Variants in INTS2 observed in about 807,000 individuals in gnomAD.
INTS2 encodes KIAA1287.
In INTS2, 57 loss-of-function variants were observed where a neutral mutation model predicts 139.6. That is an observed-to-expected ratio of 0.41 (90% confidence interval 0.33 to 0.51). INTS2 has a LOEUF of 0.51. Ranked by LOEUF, INTS2 falls within the 20% of genes least tolerant of loss-of-function variation. The probability of loss-of-function intolerance (pLI) is 0.28; values close to 1 mark genes in which losing one functional copy is unlikely to be tolerated. For missense variants in INTS2, 1,196 were observed against 1,436.7 expected, an observed-to-expected ratio of 0.83 and a Z score of 2.71; for synonymous variants, 473 against 493.4, an observed-to-expected ratio of 0.96 and a Z score of 0.55.
At chr17:61,884,173 C>T (rs2079203465) in intron 16 of INTS2, among the ~76,000 whole-genome samples, 1 of 151,890 alleles carries the variant, frequency 6.6e-6, no homozygotes, top group Non-Finnish European at 1.5e-5. Flanking sequence ...GTTCAAGACT[C>T]CAAGAAAAAA....
intron 2 of INTS2, among the ~76,000 whole-genome samples, chr17:61,925,469 C>T (rs1160144781): frequency 2.0e-5 from 3 of 151,426 alleles, no homozygotes; most frequent in Non-Finnish European, 4.4e-5. Context: ...CCCATCTACT[C>T]GGGAGACTGA....
At chr17:61,918,818 G>C (rs572989571) in intron 5 of INTS2, among the ~76,000 whole-genome samples, 240 of 151,790 alleles carry the variant, frequency 1.6e-3, no homozygotes, top group African/African-American at 5.6e-3. Flanking sequence ...CTGATTCCTA[G>C]CATTTCTCAT....
chr17:61,898,172 G>A (rs1828125418), intron 9 of INTS2, among the ~76,000 whole-genome samples: 1 of 152,000 alleles, frequency 6.6e-6, no homozygotes, highest in South Asian at 2.1e-4. Context: ...CCATCTTCTG[G>A]AAAAATGAAA....
chr17:61,884,548 TA>T (rs35368442), intron 16 of INTS2, among the ~76,000 whole-genome samples: 178 of 151,348 alleles, frequency 1.2e-3, no homozygotes, highest in African/African-American at 3.3e-3. Context: ...TATTCAGAGT[TA>T]AAAAAATTTT....
At position 61,867,358 on chromosome 17, in the gene INTS2, T is replaced by A; in HGVS notation, c.*199A>T. 2.6e-6 allele frequency: 1 copy of A among 377,578 alleles called. No individual in the cohort carries two copies. The highest frequency in any genetic ancestry group is 4.7e-6 in the Non-Finnish European group (1 of 212,636). The allele number at this position is 377,578 out of a possible 1,614,324, so 23.4% of individuals were successfully genotyped here. On this transcript the variant is annotated 3_prime_UTR_variant, in exon 25 of 25. Transcript: ENST00000251334. The surrounding 1 kb of genome is among the most constrained non-coding windows in gnomAD (Gnocchi z 5.6). ...CTACAATAGAAACATATCAGCAAAG[T>A]AGATCCAAAGATGTGCCAATCAGAA...
At chr17:61,885,236 A>G (rs753653392) in intron 15 of INTS2, 1 of 522,680 alleles carries the variant, frequency 1.9e-6, no homozygotes, top group Non-Finnish European at 3.4e-6. Flanking sequence ...AAAACTAGAC[A>G]GAAGAAAATT....
chr17:61,919,945 T>C (rs949052019), intron 4 of INTS2, among the ~76,000 whole-genome samples: 1 of 152,130 alleles, frequency 6.6e-6, no homozygotes, highest in African/African-American at 2.4e-5. Flanking sequence ...TTCACAAATG[T>C]CATCTAAAAT....
chr17:61,890,012 A>G, intron 14 of INTS2, 118 bp from the exon 15 acceptor site: 2 of 645,860 alleles, frequency 3.1e-6, no homozygotes, highest in South Asian at 3.4e-5. Context: ...AACTCAGGTA[A>G]AACAGGAGAA....
rs796657300 is a variant in INTS2 at position 61,909,815 on chromosome 17, ATGTGTGTATGTG to A, written c.954+1693_954+1704del. 4.1e-3 allele frequency among the ~76,000 whole-genome samples: 294 copies of A among 72,552 alleles called. 2 individuals are homozygous for A. Among genetic ancestry groups the A allele is most frequent in the African/African-American group, 0.014 (282 of 20,658 alleles). The allele number at this position is 72,552 out of a possible 152,430, so 47.6% of individuals were successfully genotyped here. ...TATACATATATACGTGTGTGTGTAC[ATGTGTGTATGTG>A]TGTGTGTGTGTGTGTGTGTGTGTGT... is the stretch of plus-strand genomic sequence containing the variant. On this transcript the variant is annotated intron_variant, in intron 7 of 24. Transcript: ENST00000251334. The surrounding 1 kb of genome is among the most constrained non-coding windows in gnomAD (Gnocchi z 4.9).
chr17:61,873,221 G>T lies in INTS2; in HGVS notation c.2583-761C>A, dbSNP rs997809163. 2.6e-5 allele frequency among the ~76,000 whole-genome samples: 4 copies of T among 152,004 alleles called. No homozygotes were observed. Among genetic ancestry groups the T allele is most frequent in the Non-Finnish European group, 5.9e-5 (4 of 67,996 alleles). Reference sequence around the variant, plus strand: ...GCTCTATAAAATGGAATACCATATAGCCAATTAAGATAAGAATATAAACTA... The same window carrying T: ...GCTCTATAAAATGGAATACCATATATCCAATTAAGATAAGAATATAAACTA... On this transcript the variant is annotated intron_variant, in intron 19 of 24. Transcript: ENST00000251334. This position sits in a 1 kb window ranked among gnomAD's most constrained non-coding sequence, Gnocchi z 4.0.
At chr17:61,881,241 T>C in intron 16 of INTS2, 70 bp from the exon 17 acceptor site, 1 of 1,204,794 alleles carries the variant, frequency 8.3e-7, no homozygotes, top group Non-Finnish European at 1.2e-6. Flanking sequence ...ACCCCTCTCA[T>C]TTTTATCAAG....
intron 11 of INTS2, among the ~76,000 whole-genome samples, chr17:61,896,960 G>A (rs2079355869): frequency 6.6e-6 from 1 of 152,008 alleles, no homozygotes; most frequent in African/African-American, 2.4e-5. Flanking sequence ...GATACATGTG[G>A]GTGCCTATGT....
chr17:61,916,404 G>C (rs1470987154), intron 5 of INTS2, among the ~76,000 whole-genome samples: 1 of 152,166 alleles, frequency 6.6e-6, no homozygotes, highest in Non-Finnish European at 1.5e-5. Context: ...CTGGACTCCA[G>C]TCTGGGTAAC....
chr17:61,907,311 T>A (rs533721363), intron 8 of INTS2, 97 bp downstream of exon 8: 59 of 1,039,208 alleles, frequency 5.7e-5, no homozygotes, highest in Non-Finnish European at 7.5e-5. Flanking sequence ...AACAGAAAAC[T>A]TTAATCCTCT....
chr17:61,899,736 T>G (rs1246976299), intron 9 of INTS2, among the ~76,000 whole-genome samples: 1 of 151,618 alleles, frequency 6.6e-6, no homozygotes, highest in African/African-American at 2.4e-5. Context: ...CAAAGTGAGA[T>G]CCCATCTCTA....
intron 8 of INTS2, 149 bp downstream of exon 8, chr17:61,907,258 TA>T: frequency 1.6e-6 from 1 of 633,974 alleles, no homozygotes; most frequent in Non-Finnish European, 2.8e-6. Flanking sequence ...TTCTTGGCCT[TA>T]GGATTTCATT....
At chr17:61,918,787 G>A (rs1289507269) in intron 5 of INTS2, among the ~76,000 whole-genome samples, 1 of 152,114 alleles carries the variant, frequency 6.6e-6, no homozygotes, top group African/African-American at 2.4e-5. Context: ...ACTGACAGCA[G>A]TAGGGCTAAA....
At chr17:61,916,105 G>A (rs2079580098) in intron 5 of INTS2, among the ~76,000 whole-genome samples, 1 of 152,052 alleles carries the variant, frequency 6.6e-6, no homozygotes, top group South Asian at 2.1e-4. Flanking sequence ...ATACTACATG[G>A]CTACAGTAAC....
intron 15 of INTS2, among the ~76,000 whole-genome samples, chr17:61,889,100 T>A (rs1321075915): frequency 6.6e-6 from 1 of 151,442 alleles, no homozygotes; most frequent in Admixed American, 6.6e-5. Context: ...ACTTTTTTTT[T>A]TTTTTGAGAC....
Sources: allele counts gnomAD v4.1 joint callset (sites outside exome capture counted in the v4.1 genomes callset), GRCh38; gene constraint gnomAD v4.1.1; non-coding constraint Gnocchi (gnomAD v3.1); transcripts MANE v1.5; gene names NCBI Gene and HGNC (gene_info 2026-07-23, HGNC 2026-07-21).